The following AP1G1 variants were observed in gnomAD, a reference collection of about 807,000 sequenced individuals.
AP1G1 encodes the protein AP-1 complex subunit gamma-1.
A neutral mutation model predicts 108.3 loss-of-function variants in AP1G1; 7 were observed. The observed-to-expected ratio is 0.06, with a 90% CI of 0.04 to 0.12. The LOEUF (loss-of-function observed/expected upper bound fraction) is 0.12. Among genes scored for constraint, AP1G1 ranks in the 10% least tolerant of loss-of-function variants. The probability of loss-of-function intolerance (pLI) is 1.00; values close to 1 mark genes in which losing one functional copy is unlikely to be tolerated. For synonymous variants in AP1G1, 379 were observed against 353.5 expected (o/e 1.07, Z -0.81); for missense variants, 756 against 1,010.7 (o/e 0.75, Z 3.42).
rs766879439 is a variant in AP1G1 at position 71,758,356 on chromosome 16, G to C, written c.1088+452C>G. On this transcript the variant is annotated intron_variant, in intron 11 of 22. Transcript: ENST00000299980. ...GTCATTTCAGGATACACTGTTCTAAGCAATATGCTGCCTTCAGGATCCTGG... is the reference window on the plus strand; with the variant it reads ...GTCATTTCAGGATACACTGTTCTAACCAATATGCTGCCTTCAGGATCCTGG... 6.0e-6 allele frequency: 3 copies of C among 500,616 alleles called. No individual in the cohort carries two copies. In the Admixed American group the frequency reaches 6.1e-5, roughly 10 times the overall value. The allele number at this position is 500,616 out of a possible 1,614,324, so 31.0% of individuals were successfully genotyped here. A position where few individuals can be genotyped will look rare whatever the true frequency, so the allele number is the denominator to read the frequency against.
At position 71,732,584 on chromosome 16, in the gene AP1G1, A is replaced by G. The variant is rs914666318; in HGVS notation, c.*474T>C. The G allele has an allele frequency of 7.8e-5, 12 of 153,568 alleles. No individual in the cohort carries two copies. The highest frequency in any genetic ancestry group is 2.2e-4 in the African/African-American group (9 of 41,478). The allele number at this position is 153,568 out of a possible 1,614,324, so 9.5% of individuals were successfully genotyped here. On this transcript the variant is annotated 3_prime_UTR_variant, in exon 23 of 23. Transcript: ENST00000299980. ...ATTTCCATTCCGAATGCCAGATGTT[A>G]AAAGTGCCTGAAGATGGTAACCCAG... is the stretch of plus-strand genomic sequence containing the variant.
At chr16:71,805,064 T>C (rs1185356870) in intron 1 of AP1G1, among the ~76,000 whole-genome samples, 2 of 150,364 alleles carry the variant, frequency 1.3e-5, no homozygotes, top group East Asian at 4.0e-4. Flanking sequence ...CTGAGAGGAG[T>C]TGAAAAAAAA....
At position 71,752,625 on chromosome 16, in the gene AP1G1, G is replaced by A. The variant is rs1228699287; in HGVS notation, c.1284+1208C>T. Among the ~76,000 whole-genome samples, 6 of 151,890 alleles carry A rather than the reference G, an allele frequency of 4.0e-5. No individual in the cohort carries two copies. The East Asian group carries it at 1.2e-3, about 29-fold the overall frequency. On this transcript the variant is annotated intron_variant, in intron 13 of 22. Transcript: ENST00000299980. ...TTTACATACACATTTTTGTGTACTT[G>A]TCCTATTATTTTTTCAGGCTAAAGT...
At chr16:71,785,180 A>G (rs1022420179) in intron 2 of AP1G1, among the ~76,000 whole-genome samples, 10 of 151,978 alleles carry the variant, frequency 6.6e-5, no homozygotes, top group African/African-American at 2.2e-4. Flanking sequence ...CTAAACTAAA[A>G]AGAAAAAAAA....
rs1374730503 is a variant in AP1G1 at position 71,800,460 on chromosome 16, T to A, written c.-4+8303A>T. On this transcript the variant is annotated intron_variant, in intron 1 of 22. Coordinates refer to ENST00000299980, the MANE Select transcript of AP1G1 (RefSeq NM_001128.6). ...ACTTTGGGAGGCCAAGGTGGGAGGA[T>A]CATGTGAGGTCGGGAGTTCAAAACC... is the stretch of plus-strand genomic sequence containing the variant. 2.0e-5 allele frequency among the ~76,000 whole-genome samples: 3 copies of A among 150,700 alleles called. No individual in the cohort carries two copies. The South Asian group carries it at 6.3e-4, about 31-fold the overall frequency.
intron 10 of AP1G1, among the ~76,000 whole-genome samples, chr16:71,760,215 TA>T (rs2031010691): frequency 7.1e-6 from 1 of 141,582 alleles, no homozygotes; most frequent in South Asian, 2.3e-4. Flanking sequence ...GGTGCCACAA[TA>T]ATTATTTCCA....
In AP1G1 at chr16:71,794,835, C is replaced by CTTTTCTTTTTTTTTTTTT. The variant is rs2032522793; in HGVS notation, c.-3-5354_-3-5353insAAAAAAAAAAAAAGAAAA. On this transcript the variant is annotated intron_variant, in intron 1 of 22. Coordinates refer to ENST00000299980, the MANE Select transcript of AP1G1 (RefSeq NM_001128.6). Reference sequence around the variant, plus strand: ...TACCATTCTCAGGCCATGAGAAGTGCTTTTTTTTTTTTTTTTTTTTTTTTT... The same window carrying CTTTTCTTTTTTTTTTTTT: ...TACCATTCTCAGGCCATGAGAAGTGCTTTTCTTTTTTTTTTTTTTTTTTTTTTTTTTTTTTTTTTTTTT... 3.4e-3 allele frequency among the ~76,000 whole-genome samples: 136 copies of CTTTTCTTTTTTTTTTTTT among 39,666 alleles called. 9 individuals are homozygous for CTTTTCTTTTTTTTTTTTT. The highest frequency in any genetic ancestry group is 0.014 in the African/African-American group (130 of 9,558). The allele number at this position is 39,666 out of a possible 152,430, so 26.0% of individuals were successfully genotyped here.
chr16:71,750,931 T>TG (rs2030461747), intron 13 of AP1G1, among the ~76,000 whole-genome samples: 1 of 149,644 alleles, frequency 6.7e-6, no homozygotes, highest in South Asian at 2.1e-4. Context: ...CCAAGGCGGG[T>TG]GGATCACAAG....
chr16:71,755,252 C>T (rs896131124), intron 12 of AP1G1, among the ~76,000 whole-genome samples: 5 of 152,036 alleles, frequency 3.3e-5, no homozygotes, highest in African/African-American at 9.7e-5. Flanking sequence ...ATAGCGAAAC[C>T]CCATCTCTAC....
intron 1 of AP1G1, among the ~76,000 whole-genome samples, chr16:71,806,286 A>C (rs923153966): frequency 2.9e-4 from 44 of 152,240 alleles, no homozygotes; most frequent in African/African-American, 9.6e-4. Context: ...CGCAAAGCAG[A>C]CATTCAAATA....
chr16:71,790,993 G>C (rs1421586706), intron 1 of AP1G1, among the ~76,000 whole-genome samples: 1 of 152,182 alleles, frequency 6.6e-6, no homozygotes, highest in African/African-American at 2.4e-5. Context: ...GGCCAAGGCA[G>C]GCAGATCACC....
intron 19 of AP1G1, among the ~76,000 whole-genome samples, chr16:71,740,653 G>A (rs74453848): frequency 0.042 from 6,440 of 152,164 alleles, 433 homozygotes; most frequent in African/African-American, 0.14. Flanking sequence ...GCAAAAAAAG[G>A]TGCAAAAAAG....
intron 10 of AP1G1, among the ~76,000 whole-genome samples, chr16:71,759,590 C>G (rs1172822888): frequency 6.6e-6 from 1 of 152,030 alleles, no homozygotes; most frequent in African/African-American, 2.4e-5. Flanking sequence ...GAAACCACGT[C>G]TCTACTAAAA....
intron 15 of AP1G1, 109 bp from the exon 16 acceptor site, chr16:71,748,487 C>A (rs112419195): frequency 1.6e-6 from 2 of 1,270,776 alleles, no homozygotes; most frequent in Non-Finnish European, 2.1e-6. Context: ...CCTACCGTTA[C>A]AAAAGCCTCT....
At chr16:71,738,541 T>C (rs969597113) in intron 21 of AP1G1, among the ~76,000 whole-genome samples, 3 of 152,230 alleles carry the variant, frequency 2.0e-5, no homozygotes, top group Non-Finnish European at 2.9e-5. Context: ...TCTGGTTAAC[T>C]AGAAGATAAT....
chr16:71,739,184 A>G lies in AP1G1; in HGVS notation c.2107+50T>C. ...ATTACTTCTTTTTCTTAATAACCACATCTCATTACTCAGTGCTCCATGTAA... is the reference window on the plus strand; with the variant it reads ...ATTACTTCTTTTTCTTAATAACCACGTCTCATTACTCAGTGCTCCATGTAA... On this transcript the variant is annotated intron_variant, in intron 20 of 22. Coordinates refer to ENST00000299980, the MANE Select transcript of AP1G1 (RefSeq NM_001128.6). 2.5e-6 allele frequency: 4 copies of G among 1,605,744 alleles called. No individual in the cohort carries two copies. In the South Asian group the frequency reaches 3.3e-5, roughly 13 times the overall value.
At chr16:71,755,978 C>A (rs2030765684) in intron 12 of AP1G1, 41 bp downstream of exon 12, 2 of 1,586,752 alleles carry the variant, frequency 1.3e-6, no homozygotes, top group East Asian at 4.5e-5. Context: ...TCCAAAAGTT[C>A]CAAGCAGACT....
At chr16:71,756,541 AAATGTGAC>A (rs1304796164) in intron 11 of AP1G1, among the ~76,000 whole-genome samples, 2 of 152,214 alleles carry the variant, frequency 1.3e-5, no homozygotes, top group African/African-American at 4.8e-5. Flanking sequence ...CATTCCTTAA[AAATGTGAC>A]ATGTTAAGTC....
intron 2 of AP1G1, among the ~76,000 whole-genome samples, chr16:71,787,238 G>C (rs2032235979): frequency 6.7e-6 from 1 of 148,618 alleles, no homozygotes; most frequent in Admixed American, 6.9e-5. Flanking sequence ...AGAATCTTTT[G>C]AACCCAGTAG....
Sources: allele counts gnomAD v4.1 joint callset (sites outside exome capture counted in the v4.1 genomes callset), GRCh38; gene constraint gnomAD v4.1.1; transcripts MANE v1.5; gene names NCBI Gene and HGNC (gene_info 2026-07-23, HGNC 2026-07-21).